Variants in PABPC4L observed in about 807,000 individuals in gnomAD.
The protein encoded by PABPC4L is poly(A) binding protein cytoplasmic 4 like.
For synonymous variants in PABPC4L, 169 were observed against 164.1 expected (o/e 1.03, Z -0.23); for missense variants, 452 against 451.4 (o/e 1.00, Z -0.01).
the PABPC4L span, among the ~76,000 whole-genome samples, chr4:134,107,440 C>T: frequency 6.6e-6 from 1 of 151,474 alleles, no homozygotes; most frequent in Non-Finnish European, 1.5e-5. Context: ...AACGTGTTTA[C>T]TTAAAGGAAG....
chr4:134,015,427 C>G, the PABPC4L span, among the ~76,000 whole-genome samples: 1 of 152,222 alleles, frequency 6.6e-6, no homozygotes, highest in Non-Finnish European at 1.5e-5. Flanking sequence ...AACATGCTTT[C>G]TTTACTATTC....
the PABPC4L span, among the ~76,000 whole-genome samples, chr4:134,046,991 C>A: frequency 2.0e-5 from 3 of 152,262 alleles, no homozygotes; most frequent in African/African-American, 4.8e-5. Flanking sequence ...CTACAAAAAA[C>A]AAACACTGGC....
chr4:134,068,787 C>T, the PABPC4L span, among the ~76,000 whole-genome samples: 1 of 151,812 alleles, frequency 6.6e-6, no homozygotes. Flanking sequence ...CGTCTCACTG[C>T]AACCTCCACC....
At chr4:134,188,933 C>T in the PABPC4L span, among the ~76,000 whole-genome samples, 1 of 151,884 alleles carries the variant, frequency 6.6e-6, no homozygotes, top group Middle Eastern at 3.4e-3. Flanking sequence ...TTTCATTATT[C>T]GTATGTTACA....
chr4:134,004,021 A>G, the PABPC4L span, among the ~76,000 whole-genome samples: 1 of 152,100 alleles, frequency 6.6e-6, no homozygotes, highest in South Asian at 2.1e-4. Flanking sequence ...AGCATAAGAC[A>G]TGAAACTCCA....
the PABPC4L span, among the ~76,000 whole-genome samples, chr4:134,036,663 T>A: frequency 6.6e-6 from 1 of 152,240 alleles, no homozygotes; most frequent in East Asian, 1.9e-4. Context: ...TGCTGAACAT[T>A]CTCTATGGCA....
chr4:133,992,808 T>G, the PABPC4L span, among the ~76,000 whole-genome samples: 4 of 152,170 alleles, frequency 2.6e-5, no homozygotes, highest in South Asian at 4.1e-4. Context: ...CTGTATCCAG[T>G]GCAGGATTCA....
the PABPC4L span, among the ~76,000 whole-genome samples, chr4:134,015,513 C>A: frequency 1.1e-4 from 16 of 152,168 alleles, no homozygotes; most frequent in African/African-American, 3.9e-4. Flanking sequence ...CAGCAAATTA[C>A]CTGGGCTGTA....
the PABPC4L span, among the ~76,000 whole-genome samples, chr4:134,035,839 G>T: frequency 3.3e-5 from 5 of 151,862 alleles, no homozygotes; most frequent in Non-Finnish European, 4.4e-5. Context: ...TCATTCATCT[G>T]CCTAATTTTA....
chr4:134,119,319 C>T, the PABPC4L span, among the ~76,000 whole-genome samples: 1 of 151,646 alleles, frequency 6.6e-6, no homozygotes, highest in Non-Finnish European at 1.5e-5. Context: ...TGACTACAAA[C>T]TGATATAATT....
chr4:134,126,533 A>G, the PABPC4L span, among the ~76,000 whole-genome samples: 2 of 152,170 alleles, frequency 1.3e-5, no homozygotes, highest in South Asian at 4.1e-4. Flanking sequence ...CTTCGTTATC[A>G]GAGGCATTTA....
the PABPC4L span, among the ~76,000 whole-genome samples, chr4:133,980,885 C>T: frequency 6.6e-6 from 1 of 152,332 alleles, no homozygotes; most frequent in South Asian, 2.1e-4. Flanking sequence ...AGGCCGGGCA[C>T]AGTGGCTCAC....
the PABPC4L span, among the ~76,000 whole-genome samples, chr4:134,131,506 C>G: frequency 6.6e-6 from 1 of 151,668 alleles, no homozygotes; most frequent in South Asian, 2.1e-4. Flanking sequence ...GGTGAAAGAC[C>G]TCTACAGGGA....
the PABPC4L span, among the ~76,000 whole-genome samples, chr4:134,077,328 T>G: frequency 1.3e-5 from 2 of 152,132 alleles, no homozygotes; most frequent in Non-Finnish European, 2.9e-5. Context: ...TACTTTTACT[T>G]TTTTCTCCCC....
At chr4:133,956,556 T>G in the PABPC4L span, among the ~76,000 whole-genome samples, 1 of 152,160 alleles carries the variant, frequency 6.6e-6, no homozygotes, top group Admixed American at 6.5e-5. Context: ...CTTATACCTT[T>G]CTTTCTTGAA....
At chr4:133,980,324 C>T in the PABPC4L span, among the ~76,000 whole-genome samples, 2 of 152,114 alleles carry the variant, frequency 1.3e-5, no homozygotes, top group East Asian at 3.9e-4. Context: ...TAACAGCAGC[C>T]TTTACATATA....
chr4:134,099,411 A>G, the PABPC4L span, among the ~76,000 whole-genome samples: 8 of 151,580 alleles, frequency 5.3e-5, no homozygotes, highest in Non-Finnish European at 1.0e-4. Flanking sequence ...TATATGCTTC[A>G]TTTTCCTCAT....
the PABPC4L span, among the ~76,000 whole-genome samples, chr4:133,952,578 C>T: frequency 6.6e-6 from 1 of 152,092 alleles, no homozygotes; most frequent in East Asian, 1.9e-4. Context: ...AAGAACTTTC[C>T]TCCCATTAAT....
At chr4:134,180,728 A>G in the PABPC4L span, among the ~76,000 whole-genome samples, 2 of 151,806 alleles carry the variant, frequency 1.3e-5, no homozygotes, top group Non-Finnish European at 2.9e-5. Context: ...ACACAAAAAA[A>G]CCCTCAGAGA....
Sources: allele counts gnomAD v4.1 joint callset (sites outside exome capture counted in the v4.1 genomes callset), GRCh38; gene constraint gnomAD v4.1.1; transcripts MANE v1.5; gene names NCBI Gene and HGNC (gene_info 2026-07-23, HGNC 2026-07-21).